Variants in CISD2 observed in about 807,000 individuals in gnomAD.
The protein encoded by CISD2 is CDGSH iron sulfur domain 2.
In CISD2, 1 loss-of-function variant was observed where a neutral mutation model predicts 12.9. That is an observed-to-expected ratio of 0.08 (90% confidence interval 0.03 to 0.37). The LOEUF (loss-of-function observed/expected upper bound fraction) is 0.37. CISD2 is among the 10% of genes least tolerant of loss of function. The pLI, the probability that CISD2 is intolerant of heterozygous loss-of-function variation, is 0.99. For synonymous variants in CISD2, 50 were observed against 60.6 expected (o/e 0.83, Z 0.81); for missense variants, 97 against 163.1 (o/e 0.59, Z 2.21).
intron 1 of CISD2, chr4:102,874,545 G>A (rs1465377078): frequency 6.6e-6 from 1 of 152,194 alleles, no homozygotes. Flanking sequence ...AACACCATGT[G>A]AAGATGGAGG....
At chr4:102,885,170 T>C in intron 1 of CISD2, 46 bp from the exon 2 acceptor site, 1 of 1,456,174 alleles carries the variant, frequency 6.9e-7, no homozygotes, top group Non-Finnish European at 9.6e-7. Flanking sequence ...CTATTTTGAA[T>C]TCTTTTCCAA....
intron 1 of CISD2, 79 bp from the exon 2 acceptor site, chr4:102,885,137 G>A (rs1185888440): frequency 9.1e-7 from 1 of 1,098,448 alleles, no homozygotes; most frequent in Non-Finnish European, 1.4e-6. Context: ...CAAAGAATAA[G>A]CTCAAGGATG....
rs374512796 is a variant in CISD2, at chr4:102,869,132, A to G, written c.48A>G (p.Ala16=). The change falls in exon 1 of 3, where the codon GCA becomes GCG. Residue 16 remains alanine (A), a synonymous_variant. Transcript: ENST00000273986. ...GTATCGTGAAGGTGCAGCTCCCTGC[A>G]TATCTGAAGCGGCTCCCAGTCCCTG... ...VARIVKVQLP[A]YLKRLPVPES... 25 of 1,612,938 alleles carry G rather than the reference A, an allele frequency of 1.5e-5. No homozygotes were observed. The highest frequency in any genetic ancestry group is 6.7e-5 in the African/African-American group (5 of 74,922).
intron 1 of CISD2, 130 bp downstream of exon 1, chr4:102,869,317 A>G: frequency 7.7e-7 from 1 of 1,295,816 alleles, no homozygotes; most frequent in Non-Finnish European, 1.1e-6. Context: ...CGCGCAGAGG[A>G]AGGTGGGCGC....
chr4:102,885,221 G>C lies in CISD2; in HGVS notation c.109G>C (p.Glu37Gln), dbSNP rs63749888. The C allele has an allele frequency of 6.2e-7, 1 of 1,613,896 alleles. No individual in the cohort carries two copies. Residue 37 changes from glutamate to glutamine, a missense_variant, in exon 2 of 3, where the codon GAA (glutamate) becomes CAA (glutamine). Coordinates refer to ENST00000273986, the MANE Select transcript of CISD2 (RefSeq NM_001008388.5). ...TGACACATCTACATGTTTAGTTTCA[G>C]AATGGCTTCGGTTATTGCCTTTCCT... ...ITGFARLTVSEWLRLLPFLGV... is the reference protein window; with the variant it reads ...ITGFARLTVSQWLRLLPFLGV...
intron 1 of CISD2, chr4:102,884,928 T>C (rs988321425): frequency 6.1e-5 from 22 of 361,262 alleles, no homozygotes; most frequent in African/African-American, 4.4e-4. Flanking sequence ...AAAATAAAAA[T>C]AGACAAACAC....
rs1396658183 is a variant in CISD2, at chr4:102,881,332, C to T, written c.104-3884C>T. On this transcript the variant is annotated intron_variant, in intron 1 of 2. Transcript: ENST00000273986. ...AGGTTGGTTAATGGGCACTATAGTA[C>T]GGTTATATAGAAAAAGTTCTAGTAT... Among the ~76,000 whole-genome samples, 7 of 152,032 alleles carry T rather than the reference C, an allele frequency of 4.6e-5. No homozygotes were observed. In the South Asian group the frequency reaches 6.2e-4, roughly 14 times the overall value.
At chr4:102,878,404 C>G (rs761608578) in intron 1 of CISD2, among the ~76,000 whole-genome samples, 4 of 152,220 alleles carry the variant, frequency 2.6e-5, no homozygotes, top group Non-Finnish European at 4.4e-5. Flanking sequence ...GCTAGGATTA[C>G]AGGCATGGGC....
At chr4:102,880,643 A>C (rs1242207964) in intron 1 of CISD2, among the ~76,000 whole-genome samples, 1 of 151,814 alleles carries the variant, frequency 6.6e-6, no homozygotes, top group Non-Finnish European at 1.5e-5. Context: ...ATGCCACTGC[A>C]CATCAGCCTG....
At chr4:102,883,466 C>T (rs1733775981) in intron 1 of CISD2, among the ~76,000 whole-genome samples, 2 of 152,214 alleles carry the variant, frequency 1.3e-5, no homozygotes, top group Admixed American at 1.3e-4. Context: ...TAGTACCTCT[C>T]ATGTGGCCCT....
rs912711090 is a variant in CISD2, at chr4:102,888,843, C to G, written c.*1413C>G. The G allele has an allele frequency of 3.0e-4, 46 of 152,352 alleles. No homozygotes were observed. The highest frequency in any genetic ancestry group is 1.1e-3 in the African/African-American group (44 of 41,576). 9.4% of individuals were successfully genotyped at this position (152,352 alleles called of 1,614,324 possible). A position where few individuals can be genotyped will look rare whatever the true frequency, so the allele number is the denominator to read the frequency against. On this transcript the variant is annotated 3_prime_UTR_variant, in exon 3 of 3. Coordinates refer to ENST00000273986, the MANE Select transcript of CISD2 (RefSeq NM_001008388.5). Reference sequence around the variant, plus strand: ...TTAACTCCCTTCACTGAGTGCGTTTCTGAGACCTTGCTAGGCACTCTGGAA... The same window carrying G: ...TTAACTCCCTTCACTGAGTGCGTTTGTGAGACCTTGCTAGGCACTCTGGAA...
rs915564833 is a variant in CISD2, at chr4:102,891,187, C to T, written c.*3757C>T. On this transcript the variant is annotated 3_prime_UTR_variant, in exon 3 of 3. Coordinates refer to ENST00000273986, the MANE Select transcript of CISD2 (RefSeq NM_001008388.5). ...CAAATTAAGTGGTAATTGAAAAAGT[C>T]TTCTTTTTAAAAAATTTTTAATGGT... is the stretch of plus-strand genomic sequence containing the variant. 7.5e-5 allele frequency: 11 copies of T among 147,386 alleles called. No individual in the cohort carries two copies. Among genetic ancestry groups the T allele is most frequent in the African/African-American group, 2.7e-4 (10 of 37,178 alleles). The allele number at this position is 147,386 out of a possible 1,614,324, so 9.1% of individuals were successfully genotyped here. A position where few individuals can be genotyped will look rare whatever the true frequency, so the allele number is the denominator to read the frequency against.
chr4:102,871,444 C>A (rs985013933), intron 1 of CISD2, among the ~76,000 whole-genome samples: 3 of 152,116 alleles, frequency 2.0e-5, no homozygotes, highest in African/African-American at 7.2e-5. Flanking sequence ...TAACTTAAGT[C>A]CCATTACAGT....
rs868372814 is a variant in CISD2, at chr4:102,890,974, A to G, written c.*3544A>G. 6.6e-6 allele frequency: 1 copy of G among 150,888 alleles called. No individual in the cohort carries two copies. The highest frequency in any genetic ancestry group is 2.5e-5 in the African/African-American group (1 of 40,322). The allele number at this position is 150,888 out of a possible 1,614,324, so 9.3% of individuals were successfully genotyped here. ...GTAGGAAATTTAACCCATGGAAAGC[A>G]GGGGTGAATTAAAGACCACTTTGAA... is the stretch of plus-strand genomic sequence containing the variant. On this transcript the variant is annotated 3_prime_UTR_variant, in exon 3 of 3. Transcript: ENST00000273986.
chr4:102,885,085 A>G (rs970406087), intron 1 of CISD2, 131 bp from the exon 2 acceptor site: 1 of 749,482 alleles, frequency 1.3e-6, no homozygotes, highest in African/African-American at 1.7e-5. Flanking sequence ...ATTTATTCAC[A>G]GTTTTATGGA....
At chr4:102,872,338 G>A (rs1319317864) in intron 1 of CISD2, among the ~76,000 whole-genome samples, 1 of 152,174 alleles carries the variant, frequency 6.6e-6, no homozygotes, top group Non-Finnish European at 1.5e-5. Flanking sequence ...CCAAAGTGCT[G>A]GGATTACAGG....
chr4:102,882,976 A>C (rs968326315), intron 1 of CISD2: 2 of 151,906 alleles, frequency 1.3e-5, no homozygotes, highest in African/African-American at 4.8e-5. Context: ...TTGAACTCCT[A>C]ACCTCGTGAT....
chr4:102,877,117 T>C (rs1403053552), intron 1 of CISD2, among the ~76,000 whole-genome samples: 1 of 152,176 alleles, frequency 6.6e-6, no homozygotes, highest in East Asian at 1.9e-4. Flanking sequence ...TCACATTCAT[T>C]TTGCATTTCA....
intron 2 of CISD2, among the ~76,000 whole-genome samples, chr4:102,886,593 T>C (rs1733931532): frequency 6.6e-6 from 1 of 152,172 alleles, no homozygotes; most frequent in Admixed American, 6.6e-5. Context: ...GAGTGAATTT[T>C]TTAAAATTTA....
Sources: allele counts gnomAD v4.1 joint callset (sites outside exome capture counted in the v4.1 genomes callset), GRCh38; gene constraint gnomAD v4.1.1; transcripts MANE v1.5; gene names NCBI Gene and HGNC (gene_info 2026-07-23, HGNC 2026-07-21).